The following TSC22D1 variants were observed in gnomAD, a reference collection of about 807,000 sequenced individuals.
TSC22D1 encodes TSC22 domain family member 1.
Under a neutral mutation model 74.2 loss-of-function variants are expected in TSC22D1, and 9 were observed. The ratio of observed to expected loss-of-function variants is 0.12; its 90% confidence interval spans 0.07 to 0.21. The LOEUF (loss-of-function observed/expected upper bound fraction) is 0.21, where lower values mean the gene tolerates loss of function less well. TSC22D1 is among the 10% of genes least tolerant of loss of function. TSC22D1 has a pLI of 1.00. For missense variants in TSC22D1, 1,427 were observed against 1,304.7 expected (o/e 1.09, Z -1.44); for synonymous variants, 586 against 492.5 (o/e 1.19, Z -2.51).
At chr13:44,464,825 T>TA (rs1877178927) in intron 1 of TSC22D1, among the ~76,000 whole-genome samples, 1 of 152,232 alleles carries the variant, frequency 6.6e-6, no homozygotes, top group African/African-American at 2.4e-5. Flanking sequence ...CTGACTCTTG[T>TA]ACCCAACCTT....
intron 1 of TSC22D1, among the ~76,000 whole-genome samples, chr13:44,473,067 T>A (rs1027875623): frequency 1.3e-5 from 2 of 152,196 alleles, no homozygotes; most frequent in Non-Finnish European, 2.9e-5. Flanking sequence ...AATTCCTCTT[T>A]TTAAAACGGA....
intron 1 of TSC22D1, chr13:44,538,611 A>G: frequency 1.0e-6 from 1 of 985,410 alleles, no homozygotes; most frequent in Non-Finnish European, 1.2e-6. Flanking sequence ...AAATATTTTC[A>G]TGGCCATGTA....
chr13:44,514,592 A>T (rs1016618512), intron 1 of TSC22D1, among the ~76,000 whole-genome samples: 2 of 152,040 alleles, frequency 1.3e-5, no homozygotes, highest in African/African-American at 4.8e-5. Flanking sequence ...AGGTACCGTG[A>T]CTCACACCTG....
At chr13:44,517,859 T>A (rs796450521) in intron 1 of TSC22D1, among the ~76,000 whole-genome samples, 437 of 13,854 alleles carry the variant, frequency 0.032, 3 homozygotes, top group South Asian at 0.059. Context: ...ATATATATAT[T>A]TTTTTTTTTT....
intron 1 of TSC22D1, among the ~76,000 whole-genome samples, chr13:44,560,816 T>A (rs1179774478): frequency 2.0e-5 from 3 of 152,210 alleles, no homozygotes; most frequent in Admixed American, 2.0e-4. Flanking sequence ...AATCTAACTT[T>A]CAACTAGCAA....
At chr13:44,538,725 T>C (rs1213968516) in intron 1 of TSC22D1, 1 of 985,254 alleles carries the variant, frequency 1.0e-6, no homozygotes, top group East Asian at 1.1e-4. Context: ...CAAGATCAGG[T>C]GGCTGGCTCA....
intron 1 of TSC22D1, among the ~76,000 whole-genome samples, chr13:44,566,234 G>A (rs1034117193): frequency 1.3e-5 from 2 of 151,918 alleles, no homozygotes; most frequent in Admixed American, 6.6e-5. Flanking sequence ...AAGTAAAAAC[G>A]GCACTAGATT....
intron 1 of TSC22D1, among the ~76,000 whole-genome samples, chr13:44,457,098 G>T (rs1054808552): frequency 2.0e-5 from 3 of 152,198 alleles, no homozygotes; most frequent in Admixed American, 6.5e-5. Flanking sequence ...AGAACAATTT[G>T]AGCGTAATGC....
chr13:44,434,532 G>C lies in TSC22D1; in HGVS notation c.*94C>G. ...TCACGTCTCTTTCGCAGCGAGCAAT[G>C]AAATGGGTGACTGTGGAGGCAGATT... On this transcript the variant is annotated 3_prime_UTR_variant, in exon 3 of 3. Coordinates refer to ENST00000458659, the MANE Select transcript of TSC22D1 (RefSeq NM_183422.4). 6.8e-7 allele frequency: 1 copy of C among 1,472,062 alleles called. No individual in the cohort carries two copies. The allele number at this position is 1,472,062 out of a possible 1,614,324, so 91.2% of individuals were successfully genotyped here.
At chr13:44,527,709 AT>A in intron 1 of TSC22D1, among the ~76,000 whole-genome samples, 1 of 152,176 alleles carries the variant, frequency 6.6e-6, no homozygotes. Flanking sequence ...ATCATTTTAA[AT>A]GTGAACAGCT....
Position 44,434,776 on chromosome 13 carries a change from G to C in TSC22D1, c.3072C>G (p.Asn1024Lys). The C allele has an allele frequency of 6.2e-7, 1 of 1,614,058 alleles. No homozygotes were observed. The highest frequency in any genetic ancestry group is 8.5e-7 in the Non-Finnish European group (1 of 1,180,036). ...IEKNSQLEQENNLLKTLASPE... is the reference protein window; with the variant it reads ...IEKNSQLEQEKNLLKTLASPE... Reference sequence around the variant, plus strand: ...GACTGGCCAGTGTCTTCAGCAGATTGTTCTCCTGCTCCAGCTGGGAATTTT... The same window carrying C: ...GACTGGCCAGTGTCTTCAGCAGATTCTTCTCCTGCTCCAGCTGGGAATTTT... The change falls in exon 3 of 3, where the codon AAC (asparagine) becomes AAG (lysine). Residue 1024 changes from asparagine to lysine, a missense_variant. Physicochemically the swap from Asn to Lys is moderately conservative, Grantham distance 94. Transcript: ENST00000458659.
chr13:44,509,950 C>CAAAAAAAAAAAAAAAAAAAAAACA, intron 1 of TSC22D1, among the ~76,000 whole-genome samples: 66 of 51,360 alleles, frequency 1.3e-3, no homozygotes, highest in South Asian at 2.0e-3. Context: ...AGAAAATAAG[C>CAAAAAAAAAAAAAAAAAAAAAACA]AAAAAAAAAA....
intron 1 of TSC22D1, among the ~76,000 whole-genome samples, chr13:44,529,078 T>C (rs1181784690): frequency 6.6e-6 from 1 of 152,122 alleles, no homozygotes; most frequent in Admixed American, 6.5e-5. Flanking sequence ...AAACAATTCC[T>C]AGCTCATTCT....
chr13:44,460,270 TAG>T (rs1316323752), intron 1 of TSC22D1, among the ~76,000 whole-genome samples: 1 of 152,180 alleles, frequency 6.6e-6, no homozygotes, highest in African/African-American at 2.4e-5. Context: ...CTCCTTAAAG[TAG>T]AGAGTTGCTT....
intron 1 of TSC22D1, chr13:44,536,616 A>C (rs1162736995): frequency 1.9e-6 from 1 of 513,838 alleles, no homozygotes; most frequent in Non-Finnish European, 2.5e-6. Flanking sequence ...CATTATTTTC[A>C]AATGTTCTTC....
At chr13:44,512,389 T>G (rs2138014079) in intron 1 of TSC22D1, among the ~76,000 whole-genome samples, 1 of 152,098 alleles carries the variant, frequency 6.6e-6, no homozygotes, top group Admixed American at 6.5e-5. Context: ...CAGGATGGTC[T>G]CGATCTCCTG....
At chr13:44,558,931 C>T (rs1882862185) in intron 1 of TSC22D1, among the ~76,000 whole-genome samples, 1 of 151,992 alleles carries the variant, frequency 6.6e-6, no homozygotes, top group Non-Finnish European at 1.5e-5. Context: ...CTGCCTGGAA[C>T]CTCAAAATAG....
chr13:44,433,599 A>ATCTCG lies in TSC22D1; in HGVS notation c.*1026_*1027insCGAGA. ...ACAGTGACACCTTACAATTGTGTAG[A>ATCTCG]GAACATGCACAGAAACATATGCATA... On this transcript the variant is annotated 3_prime_UTR_variant, in exon 3 of 3. Coordinates refer to ENST00000458659, the MANE Select transcript of TSC22D1 (RefSeq NM_183422.4). 1 of 177,782 alleles carries ATCTCG rather than the reference A, an allele frequency of 5.6e-6. No individual in the cohort carries two copies. Among genetic ancestry groups the ATCTCG allele is most frequent in the South Asian group, 1.6e-4 (1 of 6,262 alleles). The allele number at this position is 177,782 out of a possible 1,614,324, so 11.0% of individuals were successfully genotyped here. A position where few individuals can be genotyped will look rare whatever the true frequency, so the allele number is the denominator to read the frequency against.
intron 1 of TSC22D1, among the ~76,000 whole-genome samples, chr13:44,569,504 T>C (rs543373476): frequency 6.6e-6 from 1 of 152,238 alleles, no homozygotes; most frequent in African/African-American, 2.4e-5. Context: ...ATGTACATCT[T>C]GAAAAAAAAA....
Sources: gnomAD v4.1 joint callset for allele counts (sites outside exome capture counted in the v4.1 genomes callset) on GRCh38, gnomAD v4.1.1 for gene constraint, MANE v1.5 for transcripts, NCBI Gene and HGNC (gene_info 2026-07-23, HGNC 2026-07-21) for gene names.